Variants in PSD2 observed in about 807,000 individuals in gnomAD.
PSD2 encodes the protein PH and SEC7 domain-containing protein 2.
Under a neutral mutation model 69.8 loss-of-function variants are expected in PSD2, and 38 were observed. The observed-to-expected ratio is 0.54, with a 90% CI of 0.42 to 0.71. The LOEUF (loss-of-function observed/expected upper bound fraction) is 0.71, where lower values mean the gene tolerates loss of function less well. Among genes scored for constraint, PSD2 ranks in the 30% least tolerant of loss-of-function variants. The probability of loss-of-function intolerance (pLI) is 0.00; values close to 1 mark genes in which losing one functional copy is unlikely to be tolerated. For missense variants in PSD2, 943 were observed against 1,014.5 expected, an observed-to-expected ratio of 0.93 and a Z score of 0.96; for synonymous variants, 412 against 423.0, an observed-to-expected ratio of 0.97 and a Z score of 0.32.
Position 139,814,347 on chromosome 5 carries a change from C to T in PSD2, c.999C>T (p.Ala333=). ...AGGGCTTCCAGCGCTGTGATGTGGCCCGGCAGCTGGGCAAGAAGTGAGTGT... is the reference window on the plus strand; with the variant it reads ...AGGGCTTCCAGCGCTGTGATGTGGCTCGGCAGCTGGGCAAGAAGTGAGTGT... ...HLEGFQRCDV[A]RQLGKNNEFS... The change falls in exon 4 of 15, where the codon GCC becomes GCT. Residue 333 remains alanine, a synonymous_variant. Transcript: ENST00000274710. The surrounding 1 kb of genome is among the most constrained non-coding windows in gnomAD (Gnocchi z 4.4). The T allele has an allele frequency of 6.2e-7, 1 of 1,602,442 alleles. No homozygotes were observed. The highest frequency in any genetic ancestry group is 1.3e-5 in the African/African-American group (1 of 74,424).
chr5:139,823,252 A>T (rs1192334567), intron 7 of PSD2, among the ~76,000 whole-genome samples: 1 of 151,418 alleles, frequency 6.6e-6, no homozygotes, highest in Non-Finnish European at 1.5e-5. Context: ...TGGCTCAATA[A>T]CTCCTTCTTC....
chr5:139,818,228 A>G (rs1236542977), intron 5 of PSD2, among the ~76,000 whole-genome samples: 1 of 152,162 alleles, frequency 6.6e-6, no homozygotes, highest in Non-Finnish European at 1.5e-5. Flanking sequence ...ACTGTGTTCC[A>G]CATGTCTCTT....
intron 5 of PSD2, 82 bp from the exon 6 acceptor site, chr5:139,821,811 G>C (rs1415981612): frequency 2.7e-6 from 2 of 749,786 alleles, no homozygotes; most frequent in African/African-American, 3.5e-5. Flanking sequence ...CCCTAGAGTG[G>C]GTGTGTGCTG....
At chr5:139,787,209 CGGA>C in the PSD2 span, among the ~76,000 whole-genome samples, 1 of 152,174 alleles carries the variant, frequency 6.6e-6, no homozygotes, top group African/African-American at 2.4e-5. Context: ...AAGCTGTCAG[CGGA>C]GAAGGTCATG....
chr5:139,791,595 G>A (rs1162846880), upstream of PSD2, among the ~76,000 whole-genome samples: 4 of 151,996 alleles, frequency 2.6e-5, no homozygotes, highest in Non-Finnish European at 5.9e-5. Flanking sequence ...CACTATGCTG[G>A]CCTGAGACCC....
chr5:139,776,093 C>T, the PSD2 span, among the ~76,000 whole-genome samples: 3 of 152,236 alleles, frequency 2.0e-5, no homozygotes, highest in Non-Finnish European at 4.4e-5. Flanking sequence ...ATATATACCC[C>T]ATCACCATGG....
At chr5:139,765,357 C>T in the PSD2 span, among the ~76,000 whole-genome samples, 2 of 152,136 alleles carry the variant, frequency 1.3e-5, no homozygotes, top group South Asian at 4.2e-4. Flanking sequence ...ACTTAAATAG[C>T]CCCCAGGGAC....
chr5:139,809,261 C>A, intron 1 of PSD2, 130 bp from the exon 2 acceptor site: 2 of 703,376 alleles, frequency 2.8e-6, no homozygotes, highest in Non-Finnish European at 4.6e-6. Context: ...GCTGGAAGGG[C>A]CCCGAGGAGG....
chr5:139,773,952 G>A, the PSD2 span, among the ~76,000 whole-genome samples: 2 of 150,564 alleles, frequency 1.3e-5, no homozygotes, highest in Non-Finnish European at 1.5e-5. Flanking sequence ...AAGGGACAAG[G>A]GTTTCAATGT....
chr5:139,828,396 G>A (rs1240400560), intron 7 of PSD2, among the ~76,000 whole-genome samples: 1 of 152,174 alleles, frequency 6.6e-6, no homozygotes, highest in East Asian at 1.9e-4. Flanking sequence ...CTGAAGGGTG[G>A]CAACAGCGGG....
In PSD2 at chr5:139,814,302, A is replaced by T; in HGVS notation, c.954A>T (p.Ala318=). 1 of 1,613,352 alleles carries T rather than the reference A, an allele frequency of 6.2e-7. No individual in the cohort carries two copies. Among genetic ancestry groups the T allele is most frequent in the South Asian group, 1.1e-5 (1 of 90,996 alleles). Reference sequence around the variant, plus strand: ...TCAGTGAAGCTGCTCATCGGCTGGCACGCCGTCTCTACCACCTCGAGGGCT... The same window carrying T: ...TCAGTGAAGCTGCTCATCGGCTGGCTCGCCGTCTCTACCACCTCGAGGGCT... ...QGVSEAAHRL[A]RRLYHLEGFQ... Residue 318 remains alanine, a synonymous_variant, in exon 4 of 15, where the codon GCA becomes GCT. Transcript: ENST00000274710. The surrounding 1 kb of genome is among the most constrained non-coding windows in gnomAD (Gnocchi z 4.4).
At chr5:139,796,056 C>G (rs1462635754) in intron 1 of PSD2, 81 bp downstream of exon 1, 1 of 1,204 alleles carries the variant, frequency 8.3e-4, no homozygotes, top group Non-Finnish European at 1.6e-3. Context: ...GGGAGAGGGC[C>G]GCGTGCGGGT....
At position 139,840,071 on chromosome 5, in the gene PSD2, T is replaced by C. The variant is rs1760834349; in HGVS notation, c.2013T>C (p.Thr671=). Residue 671 remains threonine (T), a synonymous_variant, in exon 14 of 15, where the codon ACT becomes ACC. Transcript: ENST00000274710. ...RSHENKLRQL[T]AELAEHRCHP... is the part of the protein sequence containing the mutation. ...ATGAGAATAAGTTGAGGCAGCTGAC[T>C]GCGGAGCTGGCCGAACACAGGTGTC... is the stretch of plus-strand genomic sequence containing the variant. 2 of 1,614,222 alleles carry C rather than the reference T, an allele frequency of 1.2e-6. No homozygotes were observed. The highest frequency in any genetic ancestry group is 1.3e-5 in the African/African-American group (1 of 75,060).
At chr5:139,831,032 A>T (rs1229042688) in intron 7 of PSD2, among the ~76,000 whole-genome samples, 1 of 151,842 alleles carries the variant, frequency 6.6e-6, no homozygotes, top group Non-Finnish European at 1.5e-5. Flanking sequence ...GCAGTGTTAA[A>T]ATCTCCAGCC....
chr5:139,786,454 G>A, the PSD2 span, among the ~76,000 whole-genome samples: 1 of 152,198 alleles, frequency 6.6e-6, no homozygotes, highest in Non-Finnish European at 1.5e-5. Context: ...TCAAGAAAAG[G>A]TGGCTTTCTG....
At chr5:139,822,664 G>A (rs1760300767) in intron 6 of PSD2, 62 bp from the exon 7 acceptor site, 2 of 1,474,446 alleles carry the variant, frequency 1.4e-6, no homozygotes, top group African/African-American at 2.8e-5. Flanking sequence ...GGTTCCGTCA[G>A]GAGACAGGGA....
At chr5:139,748,969 T>C in the PSD2 span, among the ~76,000 whole-genome samples, 1 of 151,966 alleles carries the variant, frequency 6.6e-6, no homozygotes, top group Admixed American at 6.6e-5. Context: ...GGGACTTCTG[T>C]TGGGATGGAG....
chr5:139,774,791 C>T, the PSD2 span, among the ~76,000 whole-genome samples: 3 of 152,166 alleles, frequency 2.0e-5, no homozygotes, highest in Non-Finnish European at 4.4e-5. Context: ...CGCCCGGCCC[C>T]GGGAAAGGCT....
At chr5:139,836,703 C>T (rs1760727076) in intron 9 of PSD2, 108 bp from the exon 10 acceptor site, 3 of 950,490 alleles carry the variant, frequency 3.2e-6, no homozygotes, top group Non-Finnish European at 4.9e-6. Flanking sequence ...TGGGGCTGCT[C>T]TTCCTCCATG....
Sources: allele counts gnomAD v4.1 joint callset (sites outside exome capture counted in the v4.1 genomes callset), GRCh38; gene constraint gnomAD v4.1.1; non-coding constraint Gnocchi (gnomAD v3.1); transcripts MANE v1.5; gene names NCBI Gene and HGNC (gene_info 2026-07-23, HGNC 2026-07-21).